Variants in EPG5 observed in about 807,000 individuals in gnomAD.
EPG5 encodes ectopic P granules protein 5 homolog.
In EPG5, 159 loss-of-function variants were observed where a neutral mutation model predicts 302.7. The observed-to-expected ratio is 0.53, with a 90% CI of 0.46 to 0.60. The LOEUF is 0.60. Ranked by LOEUF, EPG5 falls within the 20% of genes least tolerant of loss-of-function variation. The probability of loss-of-function intolerance (pLI) is 0.00; values close to 1 mark genes in which losing one functional copy is unlikely to be tolerated. For synonymous variants in EPG5, 1,158 were observed against 1,136.8 expected (o/e 1.02, Z -0.37); for missense variants, 2,896 against 3,092.4 (o/e 0.94, Z 1.51).
Position 45,876,337 on chromosome 18 carries a change from T to C in EPG5, c.5948A>G (p.Gln1983Arg), listed in dbSNP as rs1203659819. ...CTCTAGCCAGGGGTAATGCCGCTGTTGGCTGCTTTAAAGAAAAGAAGCACA... is the reference window on the plus strand; with the variant it reads ...CTCTAGCCAGGGGTAATGCCGCTGTCGGCTGCTTTAAAGAAAAGAAGCACA... ...ILVLEDNESS[Q>R]QRHYPWLESD... Residue 1983 changes from glutamine (Q) to arginine (R), a missense_variant, in exon 35 of 44, where the codon CAA becomes CGA. Physicochemically the swap from Gln to Arg is conservative, Grantham distance 43 (BLOSUM62 1). Transcript: ENST00000282041. 6.2e-7 allele frequency: 1 copy of C among 1,613,518 alleles called. No individual in the cohort carries two copies. Among genetic ancestry groups the C allele is most frequent in the Non-Finnish European group, 8.5e-7 (1 of 1,179,474 alleles).
intron 35 of EPG5, among the ~76,000 whole-genome samples, chr18:45,871,913 G>A (rs1039667743): frequency 6.6e-5 from 10 of 152,080 alleles, no homozygotes; most frequent in South Asian, 2.1e-4. Flanking sequence ...TACGTATTTC[G>A]AAATCAGAAG....
At chr18:45,953,269 A>C (rs1224869896) in intron 2 of EPG5, 1 of 982,418 alleles carries the variant, frequency 1.0e-6, no homozygotes, top group East Asian at 1.1e-4. Context: ...TATTTTATGA[A>C]TATGAAGCCA....
intron 27 of EPG5, among the ~76,000 whole-genome samples, chr18:45,897,639 C>G (rs559631116): frequency 9.3e-4 from 141 of 152,276 alleles, no homozygotes; most frequent in African/African-American, 3.1e-3. Flanking sequence ...GTTTAAGAGT[C>G]GCACATATTT....
rs2050897001 is a variant in EPG5, at chr18:45,951,054, A to G, written c.1389+48T>C. Reference sequence around the variant, plus strand: ...TGATATAACAGATAATTCCTAAATTATGAAAGAAATAAAACAAAGACTACT... The same window carrying G: ...TGATATAACAGATAATTCCTAAATTGTGAAAGAAATAAAACAAAGACTACT... On this transcript the variant is annotated intron_variant, in intron 4 of 43. Coordinates refer to ENST00000282041, the MANE Select transcript of EPG5 (RefSeq NM_020964.3). 2.9e-6 allele frequency: 4 copies of G among 1,392,338 alleles called. No individual in the cohort carries two copies. The African/African-American group carries it at 5.9e-5, about 20-fold the overall frequency. The allele number at this position is 1,392,338 out of a possible 1,614,324, so 86.2% of individuals were successfully genotyped here.
intron 22 of EPG5, among the ~76,000 whole-genome samples, chr18:45,911,078 TACACACACACACAC>T (rs34212851): frequency 7.4e-6 from 1 of 135,370 alleles, no homozygotes; most frequent in South Asian, 2.4e-4. Context: ...TATCTATCTA[TACACACACACACAC>T]ACACACACAC....
rs776386001 is a variant in EPG5 at position 45,967,214 on chromosome 18, C to A, written c.26G>T (p.Arg9Leu). 4 of 1,605,498 alleles carry A rather than the reference C, an allele frequency of 2.5e-6. No homozygotes were observed. Among genetic ancestry groups the A allele is most frequent in the Admixed American group, 1.7e-5 (1 of 59,082 alleles). Residue 9 changes from arginine to leucine, a missense_variant, in exon 1 of 44, where the codon CGC (arginine) becomes CTC (leucine). Arg to Leu is a moderately radical substitution (Grantham distance 102). Around this residue, in one of 5 missense-constraint regions of EPG5, gnomAD observed 1,390 missense variants for 1,430.0 expected, o/e 0.97. Coordinates refer to ENST00000282041, the MANE Select transcript of EPG5 (RefSeq NM_020964.3). ...CCGGCTGGCCTTGGCCTTGGCCCGG[C>A]GCTGGGGCTTCACCGCCTCGGCCAT... MAEAVKPQ[R>L]RAKAKASRTK...
chr18:45,836,456 C>A, the EPG5 span, among the ~76,000 whole-genome samples: 1 of 152,116 alleles, frequency 6.6e-6, no homozygotes, highest in Admixed American at 6.5e-5. Flanking sequence ...TTGGGAGGCA[C>A]CACCCCTGGC....
At chr18:45,829,103 G>A in the EPG5 span, 8 of 985,852 alleles carry the variant, frequency 8.1e-6, no homozygotes, top group Non-Finnish European at 9.6e-6. Flanking sequence ...GCTACATCGG[G>A]ACTCTGAAGA....
chr18:45,927,941 C>T (rs906218777), intron 13 of EPG5, among the ~76,000 whole-genome samples: 7 of 152,070 alleles, frequency 4.6e-5, no homozygotes, highest in South Asian at 2.1e-4. Context: ...TGCCTGTAAT[C>T]CCAGCACTTT....
intron 36 of EPG5, among the ~76,000 whole-genome samples, chr18:45,869,932 A>G (rs1437325529): frequency 6.6e-6 from 1 of 151,912 alleles, no homozygotes; most frequent in African/African-American, 2.4e-5. Context: ...TGTAATTAAA[A>G]AAAAAAAAAA....
Position 45,866,973 on chromosome 18 carries a change from C to A in EPG5, c.6446G>T (p.Ser2149Ile). Residue 2149 changes from serine to isoleucine, a missense_variant, in exon 38 of 44, where the codon AGC becomes ATC. Coordinates refer to ENST00000282041, the MANE Select transcript of EPG5 (RefSeq NM_020964.3). ...ATCCACAAGATGCCATGAAAGTGAG[C>A]TTGTCTGTCCAAGGAGACTAAGTAA... Reference protein sequence around the residue: ...SPLLSLLGQTSSLSWHLVDIV... With the variant: ...SPLLSLLGQTISLSWHLVDIV... 6.2e-7 allele frequency: 1 copy of A among 1,614,128 alleles called. No individual in the cohort carries two copies. Among genetic ancestry groups the A allele is most frequent in the South Asian group, 1.1e-5 (1 of 91,078 alleles).
At chr18:45,925,367 G>A (rs767913159) in intron 14 of EPG5, among the ~76,000 whole-genome samples, 13 of 152,170 alleles carry the variant, frequency 8.5e-5, no homozygotes, top group Non-Finnish European at 1.3e-4. Flanking sequence ...TAGCTACTTA[G>A]GAGGCTGATG....
At position 45,946,715 on chromosome 18, in the gene EPG5, G is replaced by C. The variant is rs754742313; in HGVS notation, c.1625C>G (p.Ser542Cys). 22 of 1,614,072 alleles carry C rather than the reference G, an allele frequency of 1.4e-5. No homozygotes were observed. The African/African-American group carries it at 2.8e-4, about 21-fold the overall frequency. The change falls in exon 7 of 44, where the codon TCC becomes TGC. Residue 542 changes from serine to cysteine, a missense_variant. Physicochemically the swap from Ser to Cys is moderately radical, Grantham distance 112. Transcript: ENST00000282041. ...CCAAGTCCCAGACCCAGGCCCTGAG[G>C]AGGATGGCTTCCGCTCGCTGGGCTT... is the stretch of plus-strand genomic sequence containing the variant. The part of the protein sequence containing the change: ...HMKPSERKPS[S>C]SGPGSGTWTL...
chr18:45,807,804 A>T, the EPG5 span, among the ~76,000 whole-genome samples: 2 of 152,344 alleles, frequency 1.3e-5, no homozygotes, highest in East Asian at 3.9e-4. Flanking sequence ...CAACTCTGGT[A>T]ATATGGCAAA....
chr18:45,876,971 A>G (rs2048984206), intron 34 of EPG5, among the ~76,000 whole-genome samples: 1 of 152,108 alleles, frequency 6.6e-6, no homozygotes, highest in Admixed American at 6.5e-5. Flanking sequence ...TTTAGCAGAG[A>G]CAGGGTTTCA....
chr18:45,848,891 G>T lies in EPG5; in HGVS notation c.*3576C>A, dbSNP rs2048389295. ...AAGGTCAGGAGTTTGAAACCAGCTT[G>T]TCTCAATGGCTGGGTGAAACCCTGT... On this transcript the variant is annotated 3_prime_UTR_variant, in exon 44 of 44. Transcript: ENST00000282041. The T allele has an allele frequency of 6.6e-6, 1 of 152,232 alleles. No homozygotes were observed. The highest frequency in any genetic ancestry group is 1.5e-5 in the Non-Finnish European group (1 of 68,062). 9.4% of individuals were successfully genotyped at this position (152,232 alleles called of 1,614,324 possible).
At chr18:45,953,847 A>G (rs181818809) in intron 2 of EPG5, 1 of 985,150 alleles carries the variant, frequency 1.0e-6, no homozygotes, top group East Asian at 1.1e-4. Flanking sequence ...ATGCAACCCC[A>G]TGGAGGCCAA....
At chr18:45,880,263 C>T (rs1030898417) in intron 31 of EPG5, 40 bp from the exon 32 acceptor site, 27 of 1,506,176 alleles carry the variant, frequency 1.8e-5, no homozygotes, top group South Asian at 2.5e-5. Flanking sequence ...GTGGCTTTCC[C>T]GAAAGGAATA....
At chr18:45,802,199 TACA>T in the EPG5 span, among the ~76,000 whole-genome samples, 1 of 152,098 alleles carries the variant, frequency 6.6e-6, no homozygotes, top group Non-Finnish European at 1.5e-5. Flanking sequence ...AGACTGAAGC[TACA>T]ACAAGTACTG....
Sources: gnomAD v4.1 joint callset for allele counts (sites outside exome capture counted in the v4.1 genomes callset) on GRCh38, gnomAD v4.1.1 for gene constraint, gnomAD v4.1.1 regional missense constraint, MANE v1.5 for transcripts, NCBI Gene and HGNC (gene_info 2026-07-23, HGNC 2026-07-21) for gene names.